Variants in SORCS2 observed in about 807,000 individuals in gnomAD.
SORCS2 encodes the protein VPS10 domain-containing receptor SorCS2.
In SORCS2, 100 loss-of-function variants were observed where a neutral mutation model predicts 141.6. That is an observed-to-expected ratio of 0.71 (90% CI 0.60 to 0.83). SORCS2 has a LOEUF of 0.83. Ranked by LOEUF, SORCS2 falls within the 40% of genes least tolerant of loss-of-function variation. The pLI is 0.00. For missense variants in SORCS2, 1,646 were observed against 1,560.2 expected, an observed-to-expected ratio of 1.05 and a Z score of -0.93; for synonymous variants, 789 against 676.9, an observed-to-expected ratio of 1.17 and a Z score of -2.57.
chr4:7,655,854 G>T (rs1203587333), intron 5 of SORCS2, among the ~76,000 whole-genome samples: 1 of 152,222 alleles, frequency 6.6e-6, no homozygotes, highest in African/African-American at 2.4e-5. Flanking sequence ...CCGGGCTCAT[G>T]GACAGCTCTC....
intron 2 of SORCS2, among the ~76,000 whole-genome samples, chr4:7,456,668 C>A (rs1258823260): frequency 1.3e-5 from 2 of 152,118 alleles, no homozygotes; most frequent in African/African-American, 4.8e-5. Context: ...AAGAGCAAAC[C>A]CTTGGATTTT....
intron 3 of SORCS2, among the ~76,000 whole-genome samples, chr4:7,620,350 C>A (rs1394792841): frequency 6.6e-6 from 1 of 152,214 alleles, no homozygotes; most frequent in African/African-American, 2.4e-5. Context: ...AGTCTCTCAG[C>A]TTTTTAGGGT....
At chr4:7,567,234 A>C (rs916286109) in intron 3 of SORCS2, among the ~76,000 whole-genome samples, 1 of 152,186 alleles carries the variant, frequency 6.6e-6, no homozygotes, top group African/African-American at 2.4e-5. Flanking sequence ...TAAGGAACCA[A>C]TATGGATGCG....
At chr4:7,632,590 C>T (rs1163074370) in intron 3 of SORCS2, among the ~76,000 whole-genome samples, 2 of 152,200 alleles carry the variant, frequency 1.3e-5, no homozygotes, top group Admixed American at 6.5e-5. Flanking sequence ...TTTTTCTCCT[C>T]TCGCCTCCGT....
intron 9 of SORCS2, among the ~76,000 whole-genome samples, chr4:7,682,151 C>G (rs1416203502): frequency 2.0e-5 from 3 of 152,188 alleles, no homozygotes; most frequent in African/African-American, 7.2e-5. Context: ...CCATGGGCCT[C>G]TTAGGAAACC....
chr4:7,463,000 C>T (rs1468088249), intron 2 of SORCS2, among the ~76,000 whole-genome samples: 1 of 152,024 alleles, frequency 6.6e-6, no homozygotes, highest in Non-Finnish European at 1.5e-5. Flanking sequence ...CCACACCTCC[C>T]TGGTCTCTGC....
At chr4:7,685,337 G>A (rs373553689) in intron 10 of SORCS2, among the ~76,000 whole-genome samples, 33 of 152,124 alleles carry the variant, frequency 2.2e-4, no homozygotes, top group African/African-American at 7.2e-4. Context: ...GAAATGCAGA[G>A]CCAAGTGCAT....
Position 7,195,651 on chromosome 4 carries a change from C to T in SORCS2, c.480+2525C>T, listed in dbSNP as rs77050567. The stretch of plus-strand genomic sequence containing the variant: ...CTGCTTTAAAAGAAAAAATCATTGC[C>T]TTAGTGCTTGTTGCATGCGTAGTAT... On this transcript the variant is annotated intron_variant, in intron 1 of 26. Coordinates refer to ENST00000507866, the MANE Select transcript of SORCS2 (RefSeq NM_020777.3). Among the ~76,000 whole-genome samples the T allele has an allele frequency of 4.2e-3, 644 of 152,322 alleles. 16 individuals are homozygous for T. In the East Asian group the frequency reaches 0.071, roughly 17 times the overall value.
chr4:7,339,735 T>C (rs563506171), intron 1 of SORCS2, among the ~76,000 whole-genome samples: 2 of 151,586 alleles, frequency 1.3e-5, no homozygotes, highest in South Asian at 2.1e-4. Flanking sequence ...GACTTCAACA[T>C]AGGAATTTTG....
chr4:7,553,314 GAAAA>G (rs60902225), intron 3 of SORCS2, among the ~76,000 whole-genome samples: 1 of 149,062 alleles, frequency 6.7e-6, no homozygotes, highest in African/African-American at 2.5e-5. Flanking sequence ...TGAGAGGGGG[GAAAA>G]AAAACCATGT....
intron 1 of SORCS2, among the ~76,000 whole-genome samples, chr4:7,234,477 C>T (rs1221884111): frequency 6.6e-6 from 1 of 152,242 alleles, no homozygotes; most frequent in African/African-American, 2.4e-5. Context: ...ACTCTGTGGC[C>T]CAGTGACCCA....
intron 2 of SORCS2, chr4:7,430,809 T>A (rs984842300): frequency 3.3e-5 from 5 of 152,254 alleles, no homozygotes; most frequent in Non-Finnish European, 7.3e-5. Context: ...CACCCTCCGC[T>A]GAAAAGCCTT....
chr4:7,726,718 A>T, intron 20 of SORCS2, 62 bp from the exon 21 acceptor site: 1 of 1,581,928 alleles, frequency 6.3e-7, no homozygotes. Context: ...ACCATAGGCC[A>T]GCGTCCCCCA....
intron 2 of SORCS2, among the ~76,000 whole-genome samples, chr4:7,501,669 C>T (rs567305009): frequency 2.6e-5 from 4 of 152,192 alleles, no homozygotes; most frequent in Non-Finnish European, 5.9e-5. Flanking sequence ...CTGCCCTTTG[C>T]GTTGGTCTCA....
chr4:7,303,784 G>T (rs376735641), intron 1 of SORCS2, among the ~76,000 whole-genome samples: 3 of 152,244 alleles, frequency 2.0e-5, no homozygotes, highest in African/African-American at 4.8e-5. Flanking sequence ...AAGTCAGAGC[G>T]CAGGACGCAG....
chr4:7,456,427 C>T (rs563709792), intron 2 of SORCS2, among the ~76,000 whole-genome samples: 3 of 152,300 alleles, frequency 2.0e-5, no homozygotes, highest in African/African-American at 7.2e-5. Context: ...GCCCATCCAC[C>T]TTTACATGCA....
At chr4:7,319,731 C>A (rs1052785435) in intron 1 of SORCS2, among the ~76,000 whole-genome samples, 1 of 152,116 alleles carries the variant, frequency 6.6e-6, no homozygotes, top group Non-Finnish European at 1.5e-5. Context: ...ACAAAAAACA[C>A]ATGACATTTA....
intron 1 of SORCS2, among the ~76,000 whole-genome samples, chr4:7,369,045 A>G (rs1018168385): frequency 6.6e-6 from 1 of 152,154 alleles, no homozygotes; most frequent in Non-Finnish European, 1.5e-5. Context: ...GGTGGCTCAC[A>G]CCTATAATCT....
intron 13 of SORCS2, 46 bp from the exon 14 acceptor site, chr4:7,704,131 A>T (rs763772875): frequency 6.4e-7 from 1 of 1,560,270 alleles, no homozygotes; most frequent in Non-Finnish European, 8.7e-7. Context: ...AGACACAGGG[A>T]GCTTTCCAGC....
Sources: gnomAD v4.1 joint callset for allele counts (sites outside exome capture counted in the v4.1 genomes callset) on GRCh38, gnomAD v4.1.1 for gene constraint, MANE v1.5 for transcripts, NCBI Gene and HGNC (gene_info 2026-07-23, HGNC 2026-07-21) for gene names.